MTTP: variants seen among roughly 807,000 people sequenced by gnomAD.
The protein encoded by MTTP is microsomal triglyceride transfer protein.
Under a neutral mutation model 90.6 loss-of-function variants are expected in MTTP, and 49 were observed. That is an observed-to-expected ratio of 0.54 (90% CI 0.43 to 0.69). The LOEUF is 0.69. MTTP is among the 30% of genes least tolerant of loss of function. The pLI is 0.00. For missense variants in MTTP, 945 were observed against 1,067.5 expected, an observed-to-expected ratio of 0.89 and a Z score of 1.60; for synonymous variants, 347 against 384.2, an observed-to-expected ratio of 0.90 and a Z score of 1.13.
chr4:99,594,443 C>G (rs751928541), intron 6 of MTTP, among the ~76,000 whole-genome samples: 6 of 152,180 alleles, frequency 3.9e-5, no homozygotes, highest in Non-Finnish European at 8.8e-5. Context: ...TTCAAAAGAG[C>G]TGACATTGCA....
At chr4:99,590,337 G>A (rs560964508) in intron 4 of MTTP, among the ~76,000 whole-genome samples, 4 of 152,222 alleles carry the variant, frequency 2.6e-5, no homozygotes, top group East Asian at 1.9e-4. Flanking sequence ...TGATCCACCC[G>A]CCTTGGCCTC....
At chr4:99,621,652 A>G (rs1163477999) in intron 17 of MTTP, among the ~76,000 whole-genome samples, 1 of 152,214 alleles carries the variant, frequency 6.6e-6, no homozygotes, top group Non-Finnish European at 1.5e-5. Flanking sequence ...GCCAAAATGA[A>G]TTCGCAATTT....
chr4:99,586,733 C>T (rs1725268032), intron 3 of MTTP, among the ~76,000 whole-genome samples: 1 of 151,892 alleles, frequency 6.6e-6, no homozygotes, highest in Admixed American at 6.6e-5. Context: ...TCCTCTTATT[C>T]TTAAAATAAA....
In MTTP at chr4:99,597,098, AC is replaced by A; in HGVS notation, c.943del (p.Leu315CysfsTer34). The A allele has an allele frequency of 6.2e-7, 1 of 1,613,992 alleles. No individual in the cohort carries two copies. Among genetic ancestry groups the A allele is most frequent in the Non-Finnish European group, 8.5e-7 (1 of 1,179,912 alleles). On this transcript the variant is annotated frameshift_variant, in exon 8 of 18. Transcript: ENST00000265517. LOFTEE classifies it high-confidence loss of function. ...LSELWRSTRK[Y>X]LQPDNLSKAE... is the part of the protein sequence containing the mutation. ...GAGCTCTGGCGGTCCACCAGGAAAT[AC>A]CTGCAGCCTGACAACCTTTCCAAGG...
At position 99,589,858 on chromosome 4, in the gene MTTP, G is replaced by A. The variant is rs17029189; in HGVS notation, c.501+108G>A. ...ACTACTAAGGTAATGCTCAGAAAAG[G>A]TGACTTGTGTAGTGAAGTCGCATTT... On this transcript the variant is annotated intron_variant, in intron 4 of 17. Coordinates refer to ENST00000265517, the MANE Select transcript of MTTP (RefSeq NM_001386140.1). 35,765 of 802,224 alleles carry A rather than the reference G, an allele frequency of 0.045. 1,320 individuals carry two copies. Among genetic ancestry groups the A allele is most frequent in the African/African-American group, 0.15 (8,877 of 57,516 alleles). The allele number at this position is 802,224 out of a possible 1,614,324, so 49.7% of individuals were successfully genotyped here.
intron 16 of MTTP, 53 bp downstream of exon 16, chr4:99,619,151 A>G: frequency 6.7e-7 from 1 of 1,490,630 alleles, no homozygotes; most frequent in Non-Finnish European, 9.3e-7. Context: ...CTATATACAG[A>G]GAACTTCCGA....
At chr4:99,617,655 G>A (rs1267425030) in intron 15 of MTTP, among the ~76,000 whole-genome samples, 1 of 151,978 alleles carries the variant, frequency 6.6e-6, no homozygotes, top group Middle Eastern at 3.2e-3. Context: ...CTGTCCCCAG[G>A]CAATCTGATT....
chr4:99,582,345 T>C (rs546785011), intron 2 of MTTP, among the ~76,000 whole-genome samples: 1 of 152,294 alleles, frequency 6.6e-6, no homozygotes, highest in Admixed American at 6.5e-5. Flanking sequence ...ATTCTATAGA[T>C]CATGTTAATA....
intron 3 of MTTP, chr4:99,583,759 GTATT>G (rs1725186404): frequency 1.7e-6 from 1 of 588,444 alleles, no homozygotes; most frequent in Non-Finnish European, 3.0e-6. Flanking sequence ...GTGGAATGAA[GTATT>G]TATTTATTGA....
At chr4:99,604,715 C>G (rs1157557544) in intron 10 of MTTP, among the ~76,000 whole-genome samples, 1 of 152,062 alleles carries the variant, frequency 6.6e-6, no homozygotes, top group Non-Finnish European at 1.5e-5. Context: ...ATCTCTAATT[C>G]TAATTCTAAT....
At position 99,583,396 on chromosome 4, in the gene MTTP, A is replaced by T; in HGVS notation, c.272A>T (p.Asn91Ile). Residue 91 changes from asparagine (N) to isoleucine (I), a missense_variant, in exon 3 of 18, where the codon AAT (asparagine) becomes ATT (isoleucine). Asn to Ile is a moderately radical substitution (Grantham distance 149). Coordinates refer to ENST00000265517, the MANE Select transcript of MTTP (RefSeq NM_001386140.1). ...QITMKDVNVE[N>I]VNQQRGEKSI... ...CAGATGAAGGATGTAAATGTTGAAAATGTGAATCAGCAGAGAGGAGAGAAG... is the reference window on the plus strand; with the variant it reads ...CAGATGAAGGATGTAAATGTTGAAATTGTGAATCAGCAGAGAGGAGAGAAG... 1 of 1,613,250 alleles carries T rather than the reference A, an allele frequency of 6.2e-7. No individual in the cohort carries two copies. Among genetic ancestry groups the T allele is most frequent in the African/African-American group, 1.3e-5 (1 of 75,028 alleles).
intron 12 of MTTP, among the ~76,000 whole-genome samples, chr4:99,609,830 A>G (rs1170873578): frequency 1.3e-5 from 2 of 152,182 alleles, no homozygotes; most frequent in African/African-American, 4.8e-5. Context: ...TGAGAAAAGA[A>G]GCCAAATCTC....
At chr4:99,601,839 A>G (rs1363643125) in intron 10 of MTTP, 125 bp downstream of exon 10, 2 of 771,188 alleles carry the variant, frequency 2.6e-6, no homozygotes, top group East Asian at 2.6e-5. Context: ...TTATTTGCAT[A>G]GCAATTTTTG....
chr4:99,622,556 C>A, intron 17 of MTTP, 121 bp from the exon 18 acceptor site: 1 of 1,034,800 alleles, frequency 9.7e-7, no homozygotes, highest in Non-Finnish European at 1.5e-6. Flanking sequence ...CTTTGACACT[C>A]ATATCCTTTC....
rs552480701 is a variant in MTTP, at chr4:99,575,039, T to C, written c.61+69T>C. 7 of 1,474,220 alleles carry C rather than the reference T, an allele frequency of 4.7e-6. No homozygotes were observed. The South Asian group carries it at 6.8e-5, about 14-fold the overall frequency. 91.3% of individuals were successfully genotyped at this position (1,474,220 alleles called of 1,614,324 possible). ...GGAGTTGGAGGCAGATACGTGCGTGTGTGTGTGTTTGTGTGAGTGAATAGT... is the reference window on the plus strand; with the variant it reads ...GGAGTTGGAGGCAGATACGTGCGTGCGTGTGTGTTTGTGTGAGTGAATAGT... On this transcript the variant is annotated intron_variant, in intron 1 of 17. Coordinates refer to ENST00000265517, the MANE Select transcript of MTTP (RefSeq NM_001386140.1).
chr4:99,597,649 T>C (rs945167108), intron 8 of MTTP, among the ~76,000 whole-genome samples: 36 of 152,182 alleles, frequency 2.4e-4, no homozygotes, highest in Admixed American at 2.2e-3. Context: ...CAGTTGAAAA[T>C]GTGATTTCAC....
chr4:99,594,729 G>A lies in MTTP; in HGVS notation c.759-4G>A, dbSNP rs762340736. On this transcript the variant is annotated splice_region_variant and splice_polypyrimidine_tract_variant and intron_variant, in intron 6 of 17. Coordinates refer to ENST00000265517, the MANE Select transcript of MTTP (RefSeq NM_001386140.1). ...ATATAGCATTTCCCTTTGGTATTAT[G>A]CAGGCAGAAATTAGAGCTGAAGACA... 1 of 1,613,854 alleles carries A rather than the reference G, an allele frequency of 6.2e-7. No homozygotes were observed. Among genetic ancestry groups the A allele is most frequent in the Admixed American group, 1.7e-5 (1 of 60,006 alleles).
upstream of MTTP, chr4:99,570,760 A>T (rs1490481157): frequency 2.2e-6 from 1 of 455,908 alleles, no homozygotes; most frequent in Non-Finnish European, 4.4e-6. Flanking sequence ...AGAGATGGTC[A>T]GAGTGATATG....
chr4:99,579,221 G>T (rs565936168), intron 1 of MTTP, among the ~76,000 whole-genome samples: 39 of 152,132 alleles, frequency 2.6e-4, no homozygotes, highest in Non-Finnish European at 5.3e-4. Flanking sequence ...TTTCTTTGAA[G>T]GTTCGACAGA....
Sources: gnomAD v4.1 joint callset for allele counts (sites outside exome capture counted in the v4.1 genomes callset) on GRCh38, gnomAD v4.1.1 for gene constraint, MANE v1.5 for transcripts, NCBI Gene and HGNC (gene_info 2026-07-23, HGNC 2026-07-21) for gene names.